PREX2: variants seen among roughly 807,000 people sequenced by gnomAD.
PREX2 encodes the protein phosphatidylinositol 3,4,5-trisphosphate-dependent Rac exchanger 2 protein.
In PREX2, 107 loss-of-function variants were observed where a neutral mutation model predicts 203.2. That is an observed-to-expected ratio of 0.53 (90% CI 0.45 to 0.62). The LOEUF is 0.62. Among genes scored for constraint, PREX2 ranks in the 20% least tolerant of loss-of-function variants. The pLI is 0.00. For missense variants in PREX2, 1,777 were observed against 1,955.9 expected (o/e 0.91, Z 1.72); for synonymous variants, 672 against 663.6 (o/e 1.01, Z -0.19).
chr8:68,007,662 T>G (rs1807134714), intron 1 of PREX2, among the ~76,000 whole-genome samples: 1 of 152,214 alleles, frequency 6.6e-6, no homozygotes, highest in Non-Finnish European at 1.5e-5. Flanking sequence ...CAGGCTGGAG[T>G]GCAGTGGCGC....
At chr8:68,054,656 A>G (rs994260114) in intron 9 of PREX2, among the ~76,000 whole-genome samples, 2 of 152,176 alleles carry the variant, frequency 1.3e-5, no homozygotes, top group African/African-American at 4.8e-5. Context: ...TTCTCTAACT[A>G]GATTCCTTGC....
rs142131448 is a variant in PREX2 at position 68,162,741 on chromosome 8, C to A, written c.4346+5305C>A. Among the ~76,000 whole-genome samples, 5 of 152,204 alleles carry A rather than the reference C, an allele frequency of 3.3e-5. No individual in the cohort carries two copies. The East Asian group carries it at 9.7e-4, about 29-fold the overall frequency. On this transcript the variant is annotated intron_variant, in intron 35 of 39. Coordinates refer to ENST00000288368, the MANE Select transcript of PREX2 (RefSeq NM_024870.4). ...AAAAGCTGGGCCAGGGAGAAAGAGG[C>A]CATGTTAAGCTTTATTTTGCATTTT... is the stretch of plus-strand genomic sequence containing the variant.
At chr8:68,057,181 G>A (rs1463389440) in intron 10 of PREX2, among the ~76,000 whole-genome samples, 1 of 152,036 alleles carries the variant, frequency 6.6e-6, no homozygotes, top group African/African-American at 2.4e-5. Flanking sequence ...GTTTTATAAG[G>A]GGCTCTTCCT....
At chr8:68,224,778 T>A in intron 39 of PREX2, 152 bp downstream of exon 39, 1 of 585,068 alleles carries the variant, frequency 1.7e-6, no homozygotes, top group South Asian at 2.3e-5. Context: ...AATGGCTAAG[T>A]GTGATTACAC....
chr8:68,116,076 A>G, intron 26 of PREX2, 144 bp downstream of exon 26: 1 of 672,174 alleles, frequency 1.5e-6, no homozygotes, highest in Middle Eastern at 3.5e-4. Flanking sequence ...CCGACCTCAG[A>G]CAAAGCATAG....
rs200887937 is a variant in PREX2, at chr8:68,171,480, GA to G, written c.4346+14055del. On this transcript the variant is annotated intron_variant, in intron 35 of 39. Transcript: ENST00000288368. ...GTGTCACTTCTCACTACTTCTGCAG[GA>G]AAAAAAAAAATCGGTAGCTATGCTC... is the stretch of plus-strand genomic sequence containing the variant. Among the ~76,000 whole-genome samples the G allele has an allele frequency of 4.8e-3, 699 of 147,142 alleles. 8 individuals are homozygous for G. The highest frequency in any genetic ancestry group is 0.013 in the African/African-American group (542 of 40,294).
chr8:68,126,747 G>A (rs747709217), intron 30 of PREX2, among the ~76,000 whole-genome samples: 3 of 151,960 alleles, frequency 2.0e-5, no homozygotes, highest in South Asian at 2.1e-4. Flanking sequence ...AAATGGACAT[G>A]TAACTCATTG....
intron 8 of PREX2, among the ~76,000 whole-genome samples, chr8:68,045,796 T>C (rs1808335753): frequency 6.6e-6 from 1 of 152,126 alleles, no homozygotes; most frequent in Non-Finnish European, 1.5e-5. Context: ...CAGTTGCAGA[T>C]ACTCCCGTGC....
At chr8:68,040,839 A>G (rs896123694) in intron 7 of PREX2, among the ~76,000 whole-genome samples, 4 of 152,314 alleles carry the variant, frequency 2.6e-5, no homozygotes, top group African/African-American at 4.8e-5. Context: ...GAATCAATGA[A>G]TGAGTGAATG....
At chr8:68,146,768 T>A (rs1811335443) in intron 34 of PREX2, among the ~76,000 whole-genome samples, 1 of 152,200 alleles carries the variant, frequency 6.6e-6, no homozygotes, top group African/African-American at 2.4e-5. Flanking sequence ...TACCTACATA[T>A]ATGTATGTTA....
At chr8:68,215,728 G>A (rs369812711) in intron 37 of PREX2, among the ~76,000 whole-genome samples, 7 of 151,856 alleles carry the variant, frequency 4.6e-5, no homozygotes, top group Non-Finnish European at 1.0e-4. Flanking sequence ...TAGTAGAGAC[G>A]AGGTTTCACC....
At chr8:68,073,631 C>A (rs1426617178) in intron 14 of PREX2, among the ~76,000 whole-genome samples, 1 of 152,060 alleles carries the variant, frequency 6.6e-6, no homozygotes, top group Non-Finnish European at 1.5e-5. Context: ...AAACAATTAC[C>A]TTTAGATAAA....
At chr8:67,987,450 G>A (rs1806467968) in intron 1 of PREX2, among the ~76,000 whole-genome samples, 1 of 152,116 alleles carries the variant, frequency 6.6e-6, no homozygotes, top group African/African-American at 2.4e-5. Flanking sequence ...TTGTCTTTCT[G>A]TGGGGAGATT....
chr8:67,996,646 A>G (rs989794344), intron 1 of PREX2, among the ~76,000 whole-genome samples: 2 of 152,152 alleles, frequency 1.3e-5, no homozygotes, highest in Non-Finnish European at 2.9e-5. Context: ...CAATTTCGAT[A>G]AAATCTATTT....
At position 68,116,617 on chromosome 8, in the gene PREX2, C is replaced by T. The variant is rs556533751; in HGVS notation, c.3326+685C>T. Among the ~76,000 whole-genome samples, 5 of 152,256 alleles carry T rather than the reference C, an allele frequency of 3.3e-5. No homozygotes were observed. In the East Asian group the frequency reaches 9.7e-4, roughly 29 times the overall value. On this transcript the variant is annotated intron_variant, in intron 26 of 39. Coordinates refer to ENST00000288368, the MANE Select transcript of PREX2 (RefSeq NM_024870.4). ...TTGACGCGTAAACGGCCATCTTCTC[C>T]CTGTGTCTCTGCACGTCATCTTCCC...
chr8:68,145,090 T>C (rs1327952619), intron 33 of PREX2, among the ~76,000 whole-genome samples: 2 of 152,166 alleles, frequency 1.3e-5, no homozygotes, highest in African/African-American at 4.8e-5. Flanking sequence ...TTCTTTAGTG[T>C]CCATAGTTCT....
At chr8:68,094,817 A>G (rs568109550) in intron 21 of PREX2, among the ~76,000 whole-genome samples, 1 of 152,216 alleles carries the variant, frequency 6.6e-6, no homozygotes, top group Non-Finnish European at 1.5e-5. Flanking sequence ...TAGCACAGAC[A>G]CACAGGTTAG....
chr8:68,204,678 CTT>C lies in PREX2; in HGVS notation c.4604+12176_4604+12177del, dbSNP rs1192583427. ...TTCTTTTCTTTTTTCTTTCTTCTTT[CTT>C]TTTTTTTTTTTTTTTTTTTTTTGAG... On this transcript the variant is annotated intron_variant, in intron 37 of 39. Coordinates refer to ENST00000288368, the MANE Select transcript of PREX2 (RefSeq NM_024870.4). Among the ~76,000 whole-genome samples the C allele has an allele frequency of 8.4e-5, 7 of 83,402 alleles. 1 individual carries two copies. Among genetic ancestry groups the C allele is most frequent in the African/African-American group, 2.0e-4 (4 of 19,638 alleles). The allele number at this position is 83,402 out of a possible 152,430, so 54.7% of individuals were successfully genotyped here.
Position 68,234,666 on chromosome 8 carries a change from A to G in PREX2, c.*3288A>G, listed in dbSNP as rs1585881960. On this transcript the variant is annotated 3_prime_UTR_variant, in exon 40 of 40. Transcript: ENST00000288368. ...GGATATATAATATTGAATTTATAGT[A>G]TAAGCTTTATTTTATCAGTTCGCAA... is the stretch of plus-strand genomic sequence containing the variant. The G allele has an allele frequency of 6.6e-6, 1 of 152,232 alleles. No homozygotes were observed. The highest frequency in any genetic ancestry group is 2.4e-5 in the African/African-American group (1 of 41,558). The allele number at this position is 152,232 out of a possible 1,614,324, so 9.4% of individuals were successfully genotyped here.
Sources: gnomAD v4.1 joint callset for allele counts (sites outside exome capture counted in the v4.1 genomes callset) on GRCh38, gnomAD v4.1.1 for gene constraint, MANE v1.5 for transcripts, NCBI Gene and HGNC (gene_info 2026-07-23, HGNC 2026-07-21) for gene names.